CFAP47: variants seen among roughly 807,000 people sequenced by gnomAD.
CFAP47 encodes the protein cilia and flagella associated protein 47, also known as cilia- and flagella-associated protein 47.
A neutral mutation model predicts 148.1 loss-of-function variants in CFAP47; 29 were observed. The ratio of observed to expected loss-of-function variants is 0.20; its 90% CI spans 0.15 to 0.27. CFAP47 has a LOEUF of 0.27. CFAP47 is among the 10% of genes least tolerant of loss of function. The pLI is 1.00. For synonymous variants in CFAP47, 664 were observed against 577.3 expected, an observed-to-expected ratio of 1.15 and a Z score of -2.15; for missense variants, 1,872 against 1,697.5, an observed-to-expected ratio of 1.10 and a Z score of -1.81.
intron 46 of CFAP47, among the ~76,000 whole-genome samples, chrX:36,232,291 G>A (rs1272132450): frequency 1.1e-4 from 12 of 111,681 alleles, no homozygotes; most frequent in Admixed American, 5.7e-4. Context: ...CAATTTCAGA[G>A]CCTGTTATCG....
chrX:35,966,366 ATTTT>A (rs1936406540), intron 8 of CFAP47, among the ~76,000 whole-genome samples, 195 bp from the exon 9 acceptor site: 1 of 104,816 alleles, frequency 9.5e-6, no homozygotes, highest in African/African-American at 3.5e-5. Context: ...AATTTTAATA[ATTTT>A]TATTAAAAAA....
chrX:36,168,380 G>C (rs1479461796), intron 39 of CFAP47, among the ~76,000 whole-genome samples: 2 of 111,465 alleles, frequency 1.8e-5, no homozygotes, highest in Non-Finnish European at 3.8e-5. Flanking sequence ...ATTACAATCA[G>C]CGTCTAATGT....
intron 37 of CFAP47, among the ~76,000 whole-genome samples, chrX:36,156,263 A>G (rs1377295243): frequency 9.0e-6 from 1 of 111,023 alleles, no homozygotes; most frequent in Non-Finnish European, 1.9e-5. Context: ...TTATATAATT[A>G]TATATTTATG....
intron 57 of CFAP47, among the ~76,000 whole-genome samples, chrX:36,327,855 G>A (rs1273087803): frequency 9.0e-6 from 1 of 111,394 alleles, no homozygotes; most frequent in African/African-American, 3.3e-5. Flanking sequence ...GTTAATGCAG[G>A]AACAGAAAAT....
chrX:36,176,917 A>T (rs923780355), intron 39 of CFAP47, among the ~76,000 whole-genome samples: 1 of 112,191 alleles, frequency 8.9e-6, no homozygotes, highest in African/African-American at 3.2e-5. Context: ...AAATAAAAAT[A>T]AAAAAATTAA....
intron 14 of CFAP47, 80 bp from the exon 15 acceptor site, chrX:35,975,592 G>T: frequency 9.9e-7 from 1 of 1,012,599 alleles, no homozygotes; most frequent in Non-Finnish European, 1.4e-6. Context: ...TCAATGCTAT[G>T]TGCATTTTAC....
chrX:36,338,304 T>C (rs782134970), intron 57 of CFAP47, among the ~76,000 whole-genome samples: 4 of 110,802 alleles, frequency 3.6e-5, no homozygotes, highest in African/African-American at 1.3e-4. Flanking sequence ...ATCCCATTTC[T>C]CTGATCCTCC....
chrX:36,118,052 G>T (rs1938672010), intron 33 of CFAP47, among the ~76,000 whole-genome samples: 1 of 111,540 alleles, frequency 9.0e-6, no homozygotes, highest in African/African-American at 3.3e-5. Context: ...GCTCACTGTA[G>T]ATATGTGGAT....
intron 61 of CFAP47, chrX:36,365,665 A>G (rs1413639800): frequency 4.6e-5 from 5 of 109,504 alleles, no homozygotes; most frequent in African/African-American, 1.7e-4. Flanking sequence ...CCCAGTGTCT[A>G]TTGGTCCCGT....
At chrX:36,003,678 G>A (rs1936943198) in intron 21 of CFAP47, among the ~76,000 whole-genome samples, 1 of 110,169 alleles carries the variant, frequency 9.1e-6, no homozygotes, top group South Asian at 3.8e-4. Flanking sequence ...ATACTGAATG[G>A]GCAAAAGCTG....
chrX:36,176,265 G>C (rs183930690), intron 39 of CFAP47, among the ~76,000 whole-genome samples: 55 of 112,172 alleles, frequency 4.9e-4, no homozygotes, highest in African/African-American at 1.6e-3. Flanking sequence ...CATCTTCTGC[G>C]TCACTCACGC....
intron 48 of CFAP47, among the ~76,000 whole-genome samples, chrX:36,242,631 T>A (rs6632533): frequency 0.35 from 38,955 of 110,749 alleles, 7,600 homozygotes; most frequent in African/African-American, 0.75. Context: ...AAAAATAAAG[T>A]AAAAAGAATT....
rs1027893349 is a variant in CFAP47, at chrX:36,099,741, T to G, written c.4999-10T>G. On this transcript the variant is annotated splice_polypyrimidine_tract_variant and intron_variant, in intron 31 of 63. Coordinates refer to ENST00000378653, the MANE Select transcript of CFAP47 (RefSeq NM_001304548.2). Reference sequence around the variant, plus strand: ...TTTTAATTAATGTTGTACTATTTTATTTCTTAAAGTCTTCCACTAATACGA... The same window carrying G: ...TTTTAATTAATGTTGTACTATTTTAGTTCTTAAAGTCTTCCACTAATACGA... 2.2e-5 allele frequency: 17 copies of G among 788,988 alleles called. No homozygotes were observed. In the Admixed American group the frequency reaches 3.6e-4, roughly 17 times the overall value. The allele number at this position is 788,988 out of a possible 1,213,427, so 65.0% of individuals were successfully genotyped here.
rs971766016 is a variant in CFAP47 at position 36,126,162 on chromosome X, C to T, written c.5321-11796C>T. Among the ~76,000 whole-genome samples the T allele has an allele frequency of 7.4e-5, 8 of 108,690 alleles. No individual in the cohort carries two copies. The East Asian group carries it at 1.4e-3, about 20-fold the overall frequency. 94.4% of individuals were successfully genotyped at this position (108,690 alleles called of 115,157 possible). The stretch of plus-strand genomic sequence containing the variant: ...TGCAGTTTTGTTACATAGGTATACA[C>T]GTGCCATGGTGGTTTGCTGCACCCA... On this transcript the variant is annotated intron_variant, in intron 33 of 63. Coordinates refer to ENST00000378653, the MANE Select transcript of CFAP47 (RefSeq NM_001304548.2).
At chrX:36,323,729 C>T (rs782168863) in intron 57 of CFAP47, among the ~76,000 whole-genome samples, 1 of 109,758 alleles carries the variant, frequency 9.1e-6, no homozygotes, top group South Asian at 4.0e-4. Flanking sequence ...AATTATTTCT[C>T]ATATTACTTT....
intron 62 of CFAP47, among the ~76,000 whole-genome samples, 175 bp downstream of exon 62, chrX:36,367,302 A>G (rs1387249180): frequency 8.0e-5 from 9 of 112,176 alleles, no homozygotes; most frequent in Admixed American, 6.7e-4. Context: ...ATTGGAAAAT[A>G]GGGTATACAA....
intron 62 of CFAP47, chrX:36,375,001 C>T: frequency 2.0e-6 from 1 of 489,412 alleles, no homozygotes; most frequent in Non-Finnish European, 3.8e-6. Flanking sequence ...AGGTTCACAA[C>T]AATTTTTCCA....
chrX:36,364,361 T>C (rs1396767163), intron 61 of CFAP47, among the ~76,000 whole-genome samples: 1 of 109,813 alleles, frequency 9.1e-6, no homozygotes, highest in Non-Finnish European at 1.9e-5. Flanking sequence ...CCCTGCACTT[T>C]AGGAGTGTAT....
intron 22 of CFAP47, among the ~76,000 whole-genome samples, chrX:36,028,250 C>A (rs1170910130): frequency 9.0e-6 from 1 of 110,936 alleles, no homozygotes; most frequent in Non-Finnish European, 1.9e-5. Flanking sequence ...GGAAGAGCTT[C>A]TTCTATGTTT....
Sources: gnomAD v4.1 joint callset for allele counts (sites outside exome capture counted in the v4.1 genomes callset) on GRCh38, gnomAD v4.1.1 for gene constraint, MANE v1.5 for transcripts, NCBI Gene and HGNC (gene_info 2026-07-23, HGNC 2026-07-21) for gene names.